BRINP2: variants seen among roughly 807,000 people sequenced by gnomAD.
BRINP2 encodes the protein BMP/retinoic acid inducible neural specific 2, also known as BMP/retinoic acid-inducible neural-specific protein 2.
In BRINP2, 21 loss-of-function variants were observed where a neutral mutation model predicts 69.2. The observed-to-expected ratio is 0.30, with a 90% CI of 0.22 to 0.44. The LOEUF is 0.44. Ranked by LOEUF, BRINP2 falls within the 20% of genes least tolerant of loss-of-function variation. The probability of loss-of-function intolerance (pLI) is 1.00; values close to 1 mark genes in which losing one functional copy is unlikely to be tolerated. For missense variants in BRINP2, 877 were observed against 986.0 expected (o/e 0.89, Z 1.48); for synonymous variants, 380 against 394.1 (o/e 0.96, Z 0.42).
intron 7 of BRINP2, among the ~76,000 whole-genome samples, chr1:177,278,998 A>G (rs149359104): frequency 6.6e-6 from 1 of 152,328 alleles, no homozygotes; most frequent in East Asian, 1.9e-4. Flanking sequence ...TTTTACTATT[A>G]TCTAAATTAT....
intron 6 of BRINP2, among the ~76,000 whole-genome samples, chr1:177,277,130 A>G (rs1651525727): frequency 6.6e-6 from 1 of 152,036 alleles, no homozygotes; most frequent in African/African-American, 2.4e-5. Flanking sequence ...GATGTTGAAT[A>G]AAACAAAGCA....
intron 1 of BRINP2, among the ~76,000 whole-genome samples, chr1:177,212,777 A>C (rs992375187): frequency 3.3e-5 from 5 of 152,154 alleles, no homozygotes; most frequent in African/African-American, 1.2e-4. Context: ...GTCACACACA[A>C]AAAAATGTTC....
At chr1:177,172,214 A>G (rs889766132) in intron 1 of BRINP2, among the ~76,000 whole-genome samples, 9 of 152,214 alleles carry the variant, frequency 5.9e-5, no homozygotes, top group Non-Finnish European at 1.0e-4. Context: ...CATGTTTCCC[A>G]TGCACATGCA....
chr1:177,255,802 T>C, intron 2 of BRINP2, 117 bp from the exon 3 acceptor site: 1 of 1,064,408 alleles, frequency 9.4e-7, no homozygotes. Context: ...TGAGGGGATG[T>C]GGGCTGAGAG....
chr1:177,282,318 A>T lies in BRINP2; in HGVS notation c.*790A>T, dbSNP rs1651731744. 6.6e-6 allele frequency: 1 copy of T among 152,192 alleles called. No homozygotes were observed. The highest frequency in any genetic ancestry group is 1.5e-5 in the Non-Finnish European group (1 of 68,026). 9.4% of individuals were successfully genotyped at this position (152,192 alleles called of 1,614,324 possible). A position where few individuals can be genotyped will look rare whatever the true frequency, so the allele number is the denominator to read the frequency against. ...TGTAGGAAATGTTCTTTTTTAAAAA[A>T]AAATAACAAAAACAAAACAAAACTA... is the stretch of plus-strand genomic sequence containing the variant. On this transcript the variant is annotated 3_prime_UTR_variant, in exon 8 of 8. Coordinates refer to ENST00000361539, the MANE Select transcript of BRINP2 (RefSeq NM_021165.4).
intron 1 of BRINP2, among the ~76,000 whole-genome samples, chr1:177,197,071 T>C (rs1648768540): frequency 6.6e-6 from 1 of 152,030 alleles, no homozygotes; most frequent in Non-Finnish European, 1.5e-5. Context: ...ATTCTCACAT[T>C]GACATAAAGA....
intron 1 of BRINP2, among the ~76,000 whole-genome samples, chr1:177,202,949 C>G (rs1280580264): frequency 1.3e-5 from 2 of 152,052 alleles, no homozygotes; most frequent in Non-Finnish European, 2.9e-5. Flanking sequence ...ACTAGAAATA[C>G]CATTTGACCC....
chr1:177,257,219 A>G lies in BRINP2; in HGVS notation c.504A>G (p.Gly168=). 1 of 1,614,104 alleles carries G rather than the reference A, an allele frequency of 6.2e-7. No individual in the cohort carries two copies. Among genetic ancestry groups the G allele is most frequent in the Non-Finnish European group, 8.5e-7 (1 of 1,180,016 alleles). Residue 168 remains glycine (G), a synonymous_variant, in exon 4 of 8, where the codon GGA becomes GGG. Transcript: ENST00000361539. The stretch of plus-strand genomic sequence containing the variant: ...TTTTTGTGGACAAGCAGAAACTGGG[A>G]AGAAAGACAGAGACAACAGGAGGTG... ...LTIFVDKQKL[G]RKTETTGGAS... is the part of the protein sequence containing the mutation.
rs750534921 is a variant in BRINP2, at chr1:177,281,626, C to T, written c.*98C>T. On this transcript the variant is annotated 3_prime_UTR_variant, in exon 8 of 8. Transcript: ENST00000361539. ...ACCTTAGTGCCAACAGGGTGTGCTC[C>T]CACGAGACTTTCAGCATCCAGTAGA... The T allele has an allele frequency of 9.7e-5, 141 of 1,446,690 alleles. No individual in the cohort carries two copies. The highest frequency in any genetic ancestry group is 1.3e-4 in the Non-Finnish European group (137 of 1,086,002). The allele number at this position is 1,446,690 out of a possible 1,614,324, so 89.6% of individuals were successfully genotyped here.
intron 2 of BRINP2, among the ~76,000 whole-genome samples, chr1:177,232,572 C>G (rs547705473): frequency 1.3e-5 from 2 of 152,118 alleles, no homozygotes; most frequent in Non-Finnish European, 2.9e-5. Context: ...AGTGATGAAG[C>G]AAAATGGTGG....
intron 4 of BRINP2, among the ~76,000 whole-genome samples, chr1:177,270,458 G>C (rs112978557): frequency 2.2e-4 from 33 of 151,486 alleles, no homozygotes; most frequent in African/African-American, 6.8e-4. Context: ...TCAGAAAATT[G>C]CATCAAAGAT....
rs1649682862 is a variant in BRINP2, at chr1:177,226,127, G to GC, written c.-76-3673dup. On this transcript the variant is annotated intron_variant, in intron 1 of 7. Coordinates refer to ENST00000361539, the MANE Select transcript of BRINP2 (RefSeq NM_021165.4). ...GAGCACACAGGTTTTTCACATGTGT[G>GC]CTCTCACCTGTCCTTAGAAACCTTC... Among the ~76,000 whole-genome samples, 11 of 152,284 alleles carry GC rather than the reference G, an allele frequency of 7.2e-5. No individual in the cohort carries two copies. The South Asian group carries it at 2.3e-3, about 32-fold the overall frequency.
At position 177,191,705 on chromosome 1, in the gene BRINP2, C is replaced by T. The variant is rs191465761; in HGVS notation, c.-77+19973C>T. Among the ~76,000 whole-genome samples the T allele has an allele frequency of 5.5e-4, 83 of 152,244 alleles. 2 individuals carry two copies. The highest frequency in any genetic ancestry group is 3.1e-3 in the South Asian group (15 of 4,824). On this transcript the variant is annotated intron_variant, in intron 1 of 7. Coordinates refer to ENST00000361539, the MANE Select transcript of BRINP2 (RefSeq NM_021165.4). ...TCCTGACCTTGTGATCCACCTGCCT[C>T]GGCCTCACAAAGTGCTGGGATTACA...
chr1:177,247,067 T>C (rs981218469), intron 2 of BRINP2, among the ~76,000 whole-genome samples: 34 of 152,342 alleles, frequency 2.2e-4, no homozygotes, highest in African/African-American at 7.7e-4. Flanking sequence ...TTCTTGTTCA[T>C]GTGAGTTTTT....
chr1:177,272,961 C>G (rs1651375362), intron 4 of BRINP2, among the ~76,000 whole-genome samples: 1 of 152,032 alleles, frequency 6.6e-6, no homozygotes, highest in African/African-American at 2.4e-5. Flanking sequence ...TGCAGTAAGC[C>G]CATAGCTGAT....
At chr1:177,195,787 C>A (rs574927492) in intron 1 of BRINP2, among the ~76,000 whole-genome samples, 1 of 151,888 alleles carries the variant, frequency 6.6e-6, no homozygotes, top group Non-Finnish European at 1.5e-5. Flanking sequence ...TGGAGAAAAA[C>A]GTGTGGGGCC....
chr1:177,221,387 G>A (rs548771904), intron 1 of BRINP2, among the ~76,000 whole-genome samples: 10 of 152,252 alleles, frequency 6.6e-5, no homozygotes, highest in African/African-American at 1.4e-4. Context: ...CACATAAAAC[G>A]GAGACAGACA....
intron 4 of BRINP2, among the ~76,000 whole-genome samples, chr1:177,266,497 C>T (rs886403207): frequency 6.6e-6 from 1 of 152,034 alleles, no homozygotes; most frequent in Non-Finnish European, 1.5e-5. Context: ...CGGTGGCTCA[C>T]GCCTGTAATC....
chr1:177,184,426 A>G (rs969283258), intron 1 of BRINP2, among the ~76,000 whole-genome samples: 2 of 152,120 alleles, frequency 1.3e-5, no homozygotes, highest in African/African-American at 2.4e-5. Context: ...AAACAAACAA[A>G]ACTGATATCT....
Sources: gnomAD v4.1 joint callset for allele counts (sites outside exome capture counted in the v4.1 genomes callset) on GRCh38, gnomAD v4.1.1 for gene constraint, MANE v1.5 for transcripts, NCBI Gene and HGNC (gene_info 2026-07-23, HGNC 2026-07-21) for gene names.